Variants in NELL1 observed in about 807,000 individuals in gnomAD.
The protein encoded by NELL1 is protein kinase C-binding protein NELL1.
In NELL1, 76 loss-of-function variants were observed where a neutral mutation model predicts 107.4. The ratio of observed to expected loss-of-function variants is 0.71; its 90% CI spans 0.59 to 0.86. The LOEUF (loss-of-function observed/expected upper bound fraction) is 0.86, where lower values mean the gene tolerates loss of function less well. Ranked by LOEUF, NELL1 falls within the 40% of genes least tolerant of loss-of-function variation. NELL1 has a pLI of 0.00. For missense variants in NELL1, 1,024 were observed against 1,005.5 expected (o/e 1.02, Z -0.25); for synonymous variants, 353 against 341.2 (o/e 1.03, Z -0.38).
chr11:21,265,460 G>A (rs1848617691), intron 14 of NELL1, among the ~76,000 whole-genome samples: 1 of 151,932 alleles, frequency 6.6e-6, no homozygotes, highest in Admixed American at 6.6e-5. Context: ...TCTGCCATCT[G>A]TCAGCTCTTC....
chr11:21,186,287 C>T (rs1856934216), intron 13 of NELL1, among the ~76,000 whole-genome samples: 1 of 151,820 alleles, frequency 6.6e-6, no homozygotes, highest in African/African-American at 2.4e-5. Flanking sequence ...GAAGCATATG[C>T]AGTTCCCTGT....
intron 12 of NELL1, among the ~76,000 whole-genome samples, chr11:20,975,700 TATATA>T (rs1169170032): frequency 1.0e-5 from 1 of 99,900 alleles, no homozygotes; most frequent in East Asian, 3.4e-4. Flanking sequence ...ATGTATGTAT[TATATA>T]ATATACATAT....
intron 14 of NELL1, among the ~76,000 whole-genome samples, chr11:21,298,132 T>G (rs1239534266): frequency 6.6e-6 from 1 of 152,058 alleles, no homozygotes; most frequent in Non-Finnish European, 1.5e-5. Flanking sequence ...GAACAGCTGA[T>G]TTTTCTATGA....
intron 13 of NELL1, among the ~76,000 whole-genome samples, chr11:21,136,427 G>A (rs1255027207): frequency 3.9e-5 from 6 of 152,164 alleles, no homozygotes; most frequent in Non-Finnish European, 7.3e-5. Flanking sequence ...AGCAGTGGTA[G>A]GATAGTCACT....
chr11:21,036,452 T>C (rs978449747), intron 12 of NELL1, among the ~76,000 whole-genome samples: 2 of 152,146 alleles, frequency 1.3e-5, no homozygotes, highest in Non-Finnish European at 2.9e-5. Context: ...AGGACAAAGC[T>C]GGAGGCATCA....
At chr11:21,493,333 C>T (rs1854880894) in intron 15 of NELL1, among the ~76,000 whole-genome samples, 1 of 152,034 alleles carries the variant, frequency 6.6e-6, no homozygotes, top group South Asian at 2.1e-4. Flanking sequence ...GGGAATCAAC[C>T]TAAGTGTCCA....
chr11:21,138,580 G>A (rs1354996272), intron 13 of NELL1, among the ~76,000 whole-genome samples: 2 of 152,164 alleles, frequency 1.3e-5, no homozygotes, highest in Non-Finnish European at 2.9e-5. Flanking sequence ...TATTTAAAAG[G>A]AGACCTGAAG....
At chr11:21,226,924 A>G (rs1331608312) in intron 13 of NELL1, among the ~76,000 whole-genome samples, 1 of 152,174 alleles carries the variant, frequency 6.6e-6, no homozygotes, top group Non-Finnish European at 1.5e-5. Context: ...AACAACATGA[A>G]AAACTAGAGA....
chr11:20,873,748 C>CCA (rs376405788), intron 4 of NELL1, among the ~76,000 whole-genome samples: 15 of 151,694 alleles, frequency 9.9e-5, no homozygotes, highest in African/African-American at 3.1e-4. Context: ...TTTGTGTAAC[C>CCA]CACTGGTTGA....
chr11:21,187,542 T>A (rs541770297), intron 13 of NELL1, among the ~76,000 whole-genome samples: 1 of 151,814 alleles, frequency 6.6e-6, no homozygotes, highest in African/African-American at 2.4e-5. Context: ...TACCTCCCTT[T>A]CAAATTTTTG....
chr11:21,519,275 A>T (rs759492587), intron 15 of NELL1, among the ~76,000 whole-genome samples: 7 of 152,172 alleles, frequency 4.6e-5, no homozygotes, highest in Non-Finnish European at 1.0e-4. Context: ...ATTATTATAG[A>T]TATGTGGTTC....
chr11:21,541,480 G>T (rs573316645), intron 16 of NELL1, among the ~76,000 whole-genome samples: 20 of 152,230 alleles, frequency 1.3e-4, no homozygotes, highest in African/African-American at 4.3e-4. Flanking sequence ...GCCTAAGAAT[G>T]ATTTTGCTTT....
rs76242716 is a variant in NELL1 at position 21,063,108 on chromosome 11, G to C, written c.1301-50481G>C. Among the ~76,000 whole-genome samples, 831 of 152,150 alleles carry C rather than the reference G, an allele frequency of 5.5e-3. 6 individuals carry two copies. The highest frequency in any genetic ancestry group is 0.019 in the African/African-American group (798 of 41,528). On this transcript the variant is annotated intron_variant, in intron 12 of 19. Transcript: ENST00000357134. The stretch of plus-strand genomic sequence containing the variant: ...AGTGATCCCCCTGCCTCAGACTCCT[G>C]AAGTGCTAGGATTACAAATGTGAGC...
chr11:21,232,843 G>T (rs749687238), intron 14 of NELL1, among the ~76,000 whole-genome samples: 6 of 151,996 alleles, frequency 3.9e-5, no homozygotes, highest in Non-Finnish European at 8.8e-5. Context: ...AATAGAGATG[G>T]GGTTTCACCA....
rs368768144 is a variant in NELL1 at position 21,409,882 on chromosome 11, GAAAACA to G, written c.1645+38939_1645+38944del. Among the ~76,000 whole-genome samples the G allele has an allele frequency of 1.2e-3, 184 of 151,478 alleles. 4 individuals carry two copies. The South Asian group carries it at 0.037, about 30-fold the overall frequency. On this transcript the variant is annotated intron_variant, in intron 15 of 19. Transcript: ENST00000357134. ...CACACAAACATATGCATGACGATGA[GAAAACA>G]AAAAATGAAAGAATGCAAGAAATAA...
At chr11:21,522,174 C>A (rs1398822526) in intron 15 of NELL1, among the ~76,000 whole-genome samples, 1 of 150,380 alleles carries the variant, frequency 6.6e-6, no homozygotes, top group Non-Finnish European at 1.5e-5. Context: ...GCGGAGCTTG[C>A]AGTGAGCCAA....
intron 15 of NELL1, among the ~76,000 whole-genome samples, chr11:21,374,455 G>C (rs80329952): frequency 0.039 from 5,950 of 151,942 alleles, 179 homozygotes; most frequent in Middle Eastern, 0.062. Flanking sequence ...AATCCTGCAC[G>C]TCAAGTGATG....
At chr11:20,886,554 CA>C (rs1284244512) in intron 5 of NELL1, among the ~76,000 whole-genome samples, 2 of 152,140 alleles carry the variant, frequency 1.3e-5, no homozygotes, top group Non-Finnish European at 2.9e-5. Flanking sequence ...AGAGGGGTAT[CA>C]GTACCAGAAC....
In NELL1 at chr11:21,143,346, G is replaced by A. The variant is rs543403448; in HGVS notation, c.1426+29632G>A. 3.3e-5 allele frequency among the ~76,000 whole-genome samples: 5 copies of A among 152,254 alleles called. No individual in the cohort carries two copies. The South Asian group carries it at 8.3e-4, about 25-fold the overall frequency. On this transcript the variant is annotated intron_variant, in intron 13 of 19. Coordinates refer to ENST00000357134, the MANE Select transcript of NELL1 (RefSeq NM_006157.5). ...AATGAATGAAATTGAGAGAATCAAGGTATAGTTAGAGTACTCTGTCATAGA... is the reference window on the plus strand; with the variant it reads ...AATGAATGAAATTGAGAGAATCAAGATATAGTTAGAGTACTCTGTCATAGA...
Sources: gnomAD v4.1 joint callset for allele counts (sites outside exome capture counted in the v4.1 genomes callset) on GRCh38, gnomAD v4.1.1 for gene constraint, MANE v1.5 for transcripts, NCBI Gene and HGNC (gene_info 2026-07-23, HGNC 2026-07-21) for gene names.